Variants in DEDD2 observed in about 807,000 individuals in gnomAD.
DEDD2 encodes death effector domain containing 2.
A neutral mutation model predicts 28.9 loss-of-function variants in DEDD2; 18 were observed. The ratio of observed to expected loss-of-function variants is 0.62; its 90% CI spans 0.43 to 0.92. DEDD2 has a LOEUF of 0.92. DEDD2 is among the 40% of genes least tolerant of loss of function. The probability of loss-of-function intolerance (pLI) is 0.00; values close to 1 mark genes in which losing one functional copy is unlikely to be tolerated. For synonymous variants in DEDD2, 211 were observed against 206.1 expected (o/e 1.02, Z -0.20); for missense variants, 411 against 463.3 (o/e 0.89, Z 1.04).
At chr19:42,210,416 C>G (rs1474894035) in intron 3 of DEDD2, among the ~76,000 whole-genome samples, 1 of 151,590 alleles carries the variant, frequency 6.6e-6, no homozygotes, top group Non-Finnish European at 1.5e-5. Context: ...TTTTTGAGAC[C>G]GAGTTTCGCT....
At chr19:42,218,101 C>T (rs984371758), upstream of DEDD2, among the ~76,000 whole-genome samples, 5 of 152,124 alleles carry the variant, frequency 3.3e-5, no homozygotes, top group African/African-American at 9.7e-5. Context: ...TTTCCCGTCT[C>T]CCAGTAAACT....
At chr19:42,202,473 A>G (rs1264959928) in intron 4 of DEDD2, among the ~76,000 whole-genome samples, 2 of 152,186 alleles carry the variant, frequency 1.3e-5, no homozygotes, top group Non-Finnish European at 2.9e-5. Flanking sequence ...TCTCCCCAGC[A>G]TGGACCTCTG....
At chr19:42,208,559 G>A (rs980866215) in intron 4 of DEDD2, among the ~76,000 whole-genome samples, 15 of 152,270 alleles carry the variant, frequency 9.9e-5, no homozygotes, top group African/African-American at 2.9e-4. Context: ...ATCACATCAC[G>A]TCACCCTCCT....
In DEDD2 at chr19:42,216,915, C is replaced by T. The variant is rs2035996894; in HGVS notation, c.93G>A (p.Glu31=). 6.2e-7 allele frequency: 1 copy of T among 1,600,196 alleles called. No individual in the cohort carries two copies. Among genetic ancestry groups the T allele is most frequent in the African/African-American group, 1.3e-5 (1 of 74,564 alleles). Residue 31 remains glutamate (E), a synonymous_variant, in exon 2 of 5, where the codon GAG becomes GAA. Transcript: ENST00000596251. The part of the protein sequence containing the change: ...YGMLSLHRMF[E]VVGGQLTECE... ...ACTCGGTCAGTTGCCCGCCCACCAC[C>T]TCGAACATACGGTGAAGCGACAGCA...
chr19:42,214,265 G>A (rs2035877490), intron 3 of DEDD2, among the ~76,000 whole-genome samples: 2 of 152,156 alleles, frequency 1.3e-5, no homozygotes, highest in Admixed American at 6.5e-5. Context: ...AGACCAGCTT[G>A]GGCAACATGG....
At position 42,199,860 on chromosome 19, in the gene DEDD2, G is replaced by T; in HGVS notation, c.590-31C>A. The T allele has an allele frequency of 1.3e-6, 2 of 1,557,358 alleles. No homozygotes were observed. The highest frequency in any genetic ancestry group is 1.7e-6 in the Non-Finnish European group (2 of 1,150,156). On this transcript the variant is annotated intron_variant, in intron 4 of 4. Transcript: ENST00000596251. This position sits in a 1 kb window ranked among gnomAD's most constrained non-coding sequence, Gnocchi z 7.4. Reference sequence around the variant, plus strand: ...GGGGAAGGAGGGATTTGTCAGGGAGGGGGCCAACACTAGACACACTTATGG... The same window carrying T: ...GGGGAAGGAGGGATTTGTCAGGGAGTGGGCCAACACTAGACACACTTATGG...
chr19:42,203,098 C>G (rs149767804), intron 4 of DEDD2, among the ~76,000 whole-genome samples: 1 of 152,202 alleles, frequency 6.6e-6, no homozygotes, highest in African/African-American at 2.4e-5. Context: ...CAGGTTGAGT[C>G]ACCTGCCTAA....
At chr19:42,210,970 T>C (rs2035735593) in intron 3 of DEDD2, among the ~76,000 whole-genome samples, 1 of 148,584 alleles carries the variant, frequency 6.7e-6, no homozygotes, top group Non-Finnish European at 1.5e-5. Flanking sequence ...CTGGGGAAGC[T>C]GAGGCAGGAG....
chr19:42,201,267 G>T (rs1282597557), intron 4 of DEDD2, among the ~76,000 whole-genome samples: 1 of 152,230 alleles, frequency 6.6e-6, no homozygotes, highest in Non-Finnish European at 1.5e-5. Flanking sequence ...CAATGAAGTG[G>T]ATTCCCACAC....
rs376232196 is a variant in DEDD2, at chr19:42,199,461, G to T, written c.958C>A (p.Arg320=). ...GATCAGGAGGCCTCTGTCGGGCGCC[G>T]CCCCCCTTCCTCCTCCATCAGCAAC... is the stretch of plus-strand genomic sequence containing the variant. ...RLLLMEEEGG[R]RPTEAS The change falls in exon 5 of 5, where the codon CGG becomes AGG. Residue 320 remains arginine, a synonymous_variant. Transcript: ENST00000596251. This position sits in a 1 kb window ranked among gnomAD's most constrained non-coding sequence, Gnocchi z 7.4. The T allele has an allele frequency of 6.2e-7, 1 of 1,606,502 alleles. No individual in the cohort carries two copies. The highest frequency in any genetic ancestry group is 1.1e-5 in the South Asian group (1 of 90,560).
intron 4 of DEDD2, among the ~76,000 whole-genome samples, chr19:42,203,216 T>C (rs1568440173): frequency 6.6e-6 from 1 of 152,078 alleles, no homozygotes; most frequent in Non-Finnish European, 1.5e-5. Context: ...CACAGAACCA[T>C]ACACATCAAA....
chr19:42,199,254 G>T lies in DEDD2; in HGVS notation c.*184C>A. Reference sequence around the variant, plus strand: ...AGGAGTCTGGGAAGGAAACTCAGCTGGAAATGGTTTAGGCCTCAGAGCCCA... The same window carrying T: ...AGGAGTCTGGGAAGGAAACTCAGCTTGAAATGGTTTAGGCCTCAGAGCCCA... On this transcript the variant is annotated 3_prime_UTR_variant, in exon 5 of 5. Coordinates refer to ENST00000596251, the MANE Select transcript of DEDD2 (RefSeq NM_133328.4). This position sits in a 1 kb window ranked among gnomAD's most constrained non-coding sequence, Gnocchi z 7.4. 1 of 926,848 alleles carries T rather than the reference G, an allele frequency of 1.1e-6. No individual in the cohort carries two copies. Among genetic ancestry groups the T allele is most frequent in the Non-Finnish European group, 1.6e-6 (1 of 643,520 alleles). The allele number at this position is 926,848 out of a possible 1,614,324, so 57.4% of individuals were successfully genotyped here.
chr19:42,213,981 C>T (rs1197650182), intron 3 of DEDD2, among the ~76,000 whole-genome samples: 1 of 152,126 alleles, frequency 6.6e-6, no homozygotes. Flanking sequence ...CCACGGATGC[C>T]TAATTTAGGG....
At chr19:42,206,585 A>G (rs1473440129) in intron 4 of DEDD2, among the ~76,000 whole-genome samples, 1 of 152,056 alleles carries the variant, frequency 6.6e-6, no homozygotes, top group African/African-American at 2.4e-5. Flanking sequence ...ATGTCATCCC[A>G]CCTCAATGGC....
intron 2 of DEDD2, among the ~76,000 whole-genome samples, chr19:42,216,312 G>A (rs1196279489): frequency 1.3e-5 from 2 of 152,144 alleles, no homozygotes; most frequent in South Asian, 2.1e-4. Flanking sequence ...GTTATTATAC[G>A]TGCAAACTGC....
chr19:42,218,685 G>A (rs1056633419), upstream of DEDD2, among the ~76,000 whole-genome samples: 1 of 152,220 alleles, frequency 6.6e-6, no homozygotes, highest in Non-Finnish European at 1.5e-5. Context: ...CGGGAGATCT[G>A]GGTCCTGCCT....
intron 2 of DEDD2, 42 bp downstream of exon 2, chr19:42,216,638 C>A: frequency 6.7e-7 from 1 of 1,502,414 alleles, no homozygotes; most frequent in South Asian, 1.3e-5. Context: ...GAGCCAGGCC[C>A]TTTCCTCCCA....
At chr19:42,213,708 G>A (rs372238198) in intron 3 of DEDD2, among the ~76,000 whole-genome samples, 12 of 152,246 alleles carry the variant, frequency 7.9e-5, no homozygotes, top group African/African-American at 2.6e-4. Flanking sequence ...AAACAATCAG[G>A]ACATTCTACA....
chr19:42,209,333 G>T (rs1488892670), intron 4 of DEDD2, among the ~76,000 whole-genome samples: 1 of 152,198 alleles, frequency 6.6e-6, no homozygotes, highest in Non-Finnish European at 1.5e-5. Context: ...CCAAGACCAG[G>T]ATGTAAATCA....
Sources: gnomAD v4.1 joint callset for allele counts (sites outside exome capture counted in the v4.1 genomes callset) on GRCh38, gnomAD v4.1.1 for gene constraint, Gnocchi (gnomAD v3.1) non-coding constraint, MANE v1.5 for transcripts, NCBI Gene and HGNC (gene_info 2026-07-23, HGNC 2026-07-21) for gene names.